Variants in ASXL2 observed in about 807,000 individuals in gnomAD.
The protein encoded by ASXL2 is putative Polycomb group protein ASXL2.
ASXL2 carries 23 observed loss-of-function variants against 122.0 expected under a neutral mutation model. The ratio of observed to expected loss-of-function variants is 0.19; its 90% CI spans 0.14 to 0.27. The LOEUF is 0.27. Among genes scored for constraint, ASXL2 ranks in the 10% least tolerant of loss-of-function variants. The probability of loss-of-function intolerance (pLI) is 1.00; values close to 1 mark genes in which losing one functional copy is unlikely to be tolerated. For missense variants in ASXL2, 1,518 were observed against 1,713.8 expected (o/e 0.89, Z 2.02); for synonymous variants, 650 against 637.0 (o/e 1.02, Z -0.31).
At chr2:25,803,113 C>G (rs2089024391) in intron 4 of ASXL2, among the ~76,000 whole-genome samples, 1 of 151,098 alleles carries the variant, frequency 6.6e-6, no homozygotes, top group Non-Finnish European at 1.5e-5. Context: ...GCCTGGGCGA[C>G]AGAGCGAGAC....
At position 25,744,979 on chromosome 2, in the gene ASXL2, A is replaced by T. The variant is rs1473403532; in HGVS notation, c.1861-503T>A. On this transcript the variant is annotated intron_variant, in intron 12 of 12. Transcript: ENST00000435504. This position sits in a 1 kb window ranked among gnomAD's most constrained non-coding sequence, Gnocchi z 4.7. ...CACACACACACACACACACACACAC[A>T]CTTGGGCTGGATTATCTCAAATTAC... Among the ~76,000 whole-genome samples, 1 of 137,412 alleles carries T rather than the reference A, an allele frequency of 7.3e-6. No individual in the cohort carries two copies. Among genetic ancestry groups the T allele is most frequent in the Non-Finnish European group, 1.6e-5 (1 of 62,606 alleles). The allele number at this position is 137,412 out of a possible 152,430, so 90.1% of individuals were successfully genotyped here. A position where few individuals can be genotyped will look rare whatever the true frequency, so the allele number is the denominator to read the frequency against.
At chr2:25,761,383 G>C (rs1405638981) in intron 8 of ASXL2, among the ~76,000 whole-genome samples, 1 of 152,094 alleles carries the variant, frequency 6.6e-6, no homozygotes, top group Non-Finnish European at 1.5e-5. Context: ...ACATAAAAAG[G>C]AATGAAAGAG....
intron 1 of ASXL2, among the ~76,000 whole-genome samples, chr2:25,870,626 T>C (rs2089956119): frequency 6.6e-6 from 1 of 152,036 alleles, no homozygotes; most frequent in Non-Finnish European, 1.5e-5. Flanking sequence ...AAGCCGTGAT[T>C]GAATGCCACT....
chr2:25,747,213 T>C (rs1261075531), intron 12 of ASXL2, among the ~76,000 whole-genome samples: 4 of 152,198 alleles, frequency 2.6e-5, no homozygotes, highest in Non-Finnish European at 2.9e-5. Flanking sequence ...GCTGACTGTA[T>C]AGGGAATGTA....
In ASXL2 at chr2:25,740,253, A is replaced by C. The variant is rs1054674672; in HGVS notation, c.*1776T>G. 9.0e-6 allele frequency: 2 copies of C among 221,292 alleles called. No homozygotes were observed. The highest frequency in any genetic ancestry group is 1.8e-5 in the Non-Finnish European group (2 of 110,644). The allele number at this position is 221,292 out of a possible 1,614,324, so 13.7% of individuals were successfully genotyped here. A position where few individuals can be genotyped will look rare whatever the true frequency, so the allele number is the denominator to read the frequency against. On this transcript the variant is annotated 3_prime_UTR_variant, in exon 13 of 13. Transcript: ENST00000435504. ...GAGGAGCGGAGCAGGGGCTGTGGGA[A>C]AGCATCGAAGAGTGTGTGATGTGGG...
At chr2:25,856,271 G>C (rs1394100380) in intron 1 of ASXL2, among the ~76,000 whole-genome samples, 1 of 150,196 alleles carries the variant, frequency 6.7e-6, no homozygotes, top group Non-Finnish European at 1.5e-5. Context: ...CGGCCAGGCT[G>C]GTCTCAAACT....
chr2:25,789,061 A>G (rs188983878), intron 5 of ASXL2, among the ~76,000 whole-genome samples: 250 of 152,218 alleles, frequency 1.6e-3, no homozygotes, highest in African/African-American at 5.9e-3. Flanking sequence ...GCAGCTTGTC[A>G]GTTTCCACAT....
chr2:25,841,865 T>G (rs542147316), intron 2 of ASXL2, among the ~76,000 whole-genome samples: 1 of 150,682 alleles, frequency 6.6e-6, no homozygotes, highest in African/African-American at 2.4e-5. Flanking sequence ...GAGAATGGCA[T>G]GAACCCGGGA....
At chr2:25,776,084 C>A (rs531225616) in intron 5 of ASXL2, among the ~76,000 whole-genome samples, 90 of 152,250 alleles carry the variant, frequency 5.9e-4, no homozygotes, top group Admixed American at 1.2e-3. Flanking sequence ...GCATAAAATT[C>A]AATGGCTTTC....
In ASXL2 at chr2:25,742,334, T is replaced by C; in HGVS notation, c.4003A>G (p.Thr1335Ala). The stretch of plus-strand genomic sequence containing the variant: ...GAGTTATGGTCCATGTCAGATGAGG[T>C]GGAGACATTGATCATGCCTCTATAG... ...PSYRGMINVSTSSDMDHNSAV... is the reference protein window; with the variant it reads ...PSYRGMINVSASSDMDHNSAV... The change falls in exon 13 of 13, where the codon ACC becomes GCC. Residue 1335 changes from threonine to alanine, a missense_variant. Coordinates refer to ENST00000435504, the MANE Select transcript of ASXL2 (RefSeq NM_018263.6). 6.2e-7 allele frequency: 1 copy of C among 1,605,134 alleles called. No individual in the cohort carries two copies. The highest frequency in any genetic ancestry group is 2.2e-5 in the East Asian group (1 of 44,550).
intron 1 of ASXL2, among the ~76,000 whole-genome samples, chr2:25,875,863 G>A (rs1403648043): frequency 3.3e-5 from 5 of 151,666 alleles, no homozygotes; most frequent in Non-Finnish European, 7.4e-5. Flanking sequence ...TTCTTATTTA[G>A]GTCAAAGTTA....
rs117596921 is a variant in ASXL2 at position 25,853,340 on chromosome 2, G to A, written c.58-7777C>T. ...CTAACAGAGCCTTTGGAGGAAAGAG[G>A]GAAAAAGTCCTTACCTGGCTGTTTA... On this transcript the variant is annotated intron_variant, in intron 1 of 12. Transcript: ENST00000435504. Among the ~76,000 whole-genome samples the A allele has an allele frequency of 2.1e-3, 324 of 152,202 alleles. 7 individuals carry two copies. The East Asian group carries it at 0.053, about 25-fold the overall frequency.
chr2:25,869,259 A>T (rs2089940095), intron 1 of ASXL2, among the ~76,000 whole-genome samples: 1 of 151,854 alleles, frequency 6.6e-6, no homozygotes, highest in Admixed American at 6.6e-5. Flanking sequence ...TGAGCCTGGG[A>T]GGTCAAGGCT....
intron 5 of ASXL2, among the ~76,000 whole-genome samples, chr2:25,796,302 C>A (rs1312418978): frequency 6.6e-6 from 1 of 152,160 alleles, no homozygotes; most frequent in Non-Finnish European, 1.5e-5. Context: ...TATCATCACT[C>A]AAATCTAAAA....
At chr2:25,854,563 G>T (rs868204305) in intron 1 of ASXL2, among the ~76,000 whole-genome samples, 2 of 152,174 alleles carry the variant, frequency 1.3e-5, no homozygotes, top group Non-Finnish European at 2.9e-5. Flanking sequence ...CAACCACTTC[G>T]GTGGCTCTGA....
chr2:25,804,281 T>C (rs552395766), intron 4 of ASXL2, among the ~76,000 whole-genome samples: 1 of 152,208 alleles, frequency 6.6e-6, no homozygotes, highest in Non-Finnish European at 1.5e-5. Context: ...CAAGCATTCA[T>C]TCCCCTTCAG....
chr2:25,743,344 G>A lies in ASXL2; in HGVS notation c.2993C>T (p.Thr998Ile). ...TTCCTCTCTGGTGCTATTTTCTGTTGTGTTGGTAGCTATGAGCGCTCCCAT... is the reference window on the plus strand; with the variant it reads ...TTCCTCTCTGGTGCTATTTTCTGTTATGTTGGTAGCTATGAGCGCTCCCAT... ...RGMGALIATN[T>I]TENSTREEVN... The change falls in exon 13 of 13, where the codon ACA becomes ATA. Residue 998 changes from threonine to isoleucine, a missense_variant. Around this residue, in one of 8 missense-constraint regions of ASXL2, gnomAD observed 831 missense variants for 833.1 expected, o/e 1.00. Coordinates refer to ENST00000435504, the MANE Select transcript of ASXL2 (RefSeq NM_018263.6). The A allele has an allele frequency of 6.2e-7, 1 of 1,613,920 alleles. No individual in the cohort carries two copies. Among genetic ancestry groups the A allele is most frequent in the Non-Finnish European group, 8.5e-7 (1 of 1,179,884 alleles).
At position 25,739,369 on chromosome 2, in the gene ASXL2, GTTTT is replaced by G. The variant is rs776553926; in HGVS notation, c.*2656_*2659del. On this transcript the variant is annotated 3_prime_UTR_variant, in exon 13 of 13. Coordinates refer to ENST00000435504, the MANE Select transcript of ASXL2 (RefSeq NM_018263.6). ...TTTCTAAAAGGCCAGATTGTAATGT[GTTTT>G]TTTTTTTTTTAATTTTTCTGTTCAG... is the stretch of plus-strand genomic sequence containing the variant. 6.3e-6 allele frequency: 1 copy of G among 158,374 alleles called. No individual in the cohort carries two copies. Among genetic ancestry groups the G allele is most frequent in the Non-Finnish European group, 1.4e-5 (1 of 73,604 alleles). The allele number at this position is 158,374 out of a possible 1,614,324, so 9.8% of individuals were successfully genotyped here.
chr2:25,774,363 G>C (rs10164602), intron 5 of ASXL2, among the ~76,000 whole-genome samples: 3,230 of 152,198 alleles, frequency 0.021, 113 homozygotes, highest in African/African-American at 0.07. Flanking sequence ...GATATTTTAA[G>C]CCCACAGCTA....
Sources: gnomAD v4.1 joint callset for allele counts (sites outside exome capture counted in the v4.1 genomes callset) on GRCh38, gnomAD v4.1.1 for gene constraint, gnomAD v4.1.1 regional missense constraint, Gnocchi (gnomAD v3.1) non-coding constraint, MANE v1.5 for transcripts, NCBI Gene and HGNC (gene_info 2026-07-23, HGNC 2026-07-21) for gene names.